NAAA: variants seen among roughly 807,000 people sequenced by gnomAD.
NAAA encodes N-acylethanolamine acid amidase, also known as N-acylethanolamine-hydrolyzing acid amidase.
NAAA carries 39 observed loss-of-function variants against 44.8 expected under a neutral mutation model. That is an observed-to-expected ratio of 0.87 (90% CI 0.67 to 1.14). NAAA has a LOEUF of 1.14. Among genes scored for constraint, NAAA ranks in the 50% most tolerant of loss-of-function variants. The pLI is 0.00. For missense variants in NAAA, 460 were observed against 467.8 expected, an observed-to-expected ratio of 0.98 and a Z score of 0.15; for synonymous variants, 178 against 191.3, an observed-to-expected ratio of 0.93 and a Z score of 0.58.
At chr4:75,918,314 G>T (rs536476344) in intron 9 of NAAA, among the ~76,000 whole-genome samples, 1 of 152,230 alleles carries the variant, frequency 6.6e-6, no homozygotes, top group Admixed American at 6.5e-5. Flanking sequence ...AATTAGCTGG[G>T]CGTGGTGGCA....
chr4:75,914,241 G>A lies in NAAA; in HGVS notation c.*134C>T. 1 of 985,790 alleles carries A rather than the reference G, an allele frequency of 1.0e-6. No individual in the cohort carries two copies. The highest frequency in any genetic ancestry group is 1.1e-4 in the East Asian group (1 of 8,812). The allele number at this position is 985,790 out of a possible 1,614,324, so 61.1% of individuals were successfully genotyped here. A position where few individuals can be genotyped will look rare whatever the true frequency, so the allele number is the denominator to read the frequency against. On this transcript the variant is annotated 3_prime_UTR_variant, in exon 11 of 11. Transcript: ENST00000286733. ...TCGCAAGGTTGTAAAGTTAAATGAGGAAGGAGCCTGCATTGTTTGTAACAT... is the reference window on the plus strand; with the variant it reads ...TCGCAAGGTTGTAAAGTTAAATGAGAAAGGAGCCTGCATTGTTTGTAACAT...
chr4:75,936,772 G>A (rs373989461), intron 2 of NAAA, among the ~76,000 whole-genome samples: 19 of 152,094 alleles, frequency 1.2e-4, no homozygotes, highest in African/African-American at 4.3e-4. Context: ...CCAGCTCCTT[G>A]CACAGAGATC....
chr4:75,929,241 C>T (rs1402812762), intron 4 of NAAA, among the ~76,000 whole-genome samples: 1 of 152,190 alleles, frequency 6.6e-6, no homozygotes, highest in Non-Finnish European at 1.5e-5. Context: ...TTAAGCCTCC[C>T]CATGCCCTGT....
chr4:75,937,607 T>C (rs1289928160), intron 2 of NAAA, among the ~76,000 whole-genome samples: 6 of 152,192 alleles, frequency 3.9e-5, no homozygotes, highest in Non-Finnish European at 8.8e-5. Flanking sequence ...CACTTCAGCC[T>C]CCTGAGTATC....
At chr4:75,933,987 G>A (rs915049053) in intron 3 of NAAA, among the ~76,000 whole-genome samples, 2 of 151,368 alleles carry the variant, frequency 1.3e-5, no homozygotes, top group Admixed American at 6.6e-5. Context: ...CCGAGATCGC[G>A]CCACTGCACT....
At chr4:75,919,873 C>T (rs1560501695) in intron 8 of NAAA, 36 bp downstream of exon 8, 3 of 1,569,126 alleles carry the variant, frequency 1.9e-6, no homozygotes, top group African/African-American at 1.4e-5. Context: ...AAACACCAAA[C>T]ATCCTAGGTA....
At position 75,914,872 on chromosome 4, in the gene NAAA, C is replaced by T. The variant is rs751274936; in HGVS notation, c.*32G>A. 1.9e-6 allele frequency: 3 copies of T among 1,612,142 alleles called. No homozygotes were observed. The South Asian group carries it at 3.3e-5, about 18-fold the overall frequency. On this transcript the variant is annotated 3_prime_UTR_variant, in exon 10 of 11. Transcript: ENST00000286733. The stretch of plus-strand genomic sequence containing the variant: ...CACAAAACAGTAACAACAAACCTTT[C>T]ACAGCACGGGCGAACTCGCTCTTCT...
intron 9 of NAAA, chr4:75,917,408 G>C (rs891892215): frequency 2.6e-5 from 4 of 152,332 alleles, no homozygotes; most frequent in African/African-American, 9.7e-5. Context: ...CACTGGGTAT[G>C]CTTTGTTATC....
At chr4:75,919,755 G>A in intron 8 of NAAA, 154 bp downstream of exon 8, 1 of 735,030 alleles carries the variant, frequency 1.4e-6, no homozygotes, top group Admixed American at 2.3e-5. Flanking sequence ...TGGGATTACA[G>A]GTGTGAGCCA....
intron 4 of NAAA, 109 bp downstream of exon 4, chr4:75,931,105 C>A: frequency 1.3e-6 from 1 of 799,922 alleles, no homozygotes; most frequent in East Asian, 2.6e-5. Flanking sequence ...ATGGAAGTCC[C>A]TGCCACATAG....
chr4:75,914,372 AG>A, intron 10 of NAAA, 34 bp from the exon 11 acceptor site: 1 of 929,828 alleles, frequency 1.1e-6, no homozygotes, highest in African/African-American at 1.8e-5. Context: ...TTTAATTCAA[AG>A]ACTGATTTTT....
chr4:75,925,696 A>AG (rs1335816807), intron 5 of NAAA, 39 bp downstream of exon 5: 3 of 1,574,594 alleles, frequency 1.9e-6, no homozygotes, highest in Non-Finnish European at 1.7e-6. Flanking sequence ...TAGAAGGTGG[A>AG]GGTGGAGTTA....
At chr4:75,917,566 A>T in intron 9 of NAAA, 1 of 178,674 alleles carries the variant, frequency 5.6e-6, no homozygotes, top group South Asian at 9.8e-5. Flanking sequence ...CCCAGGTTCA[A>T]GCAATTCTCC....
chr4:75,915,810 G>A (rs1290200339), intron 9 of NAAA, among the ~76,000 whole-genome samples: 2 of 152,144 alleles, frequency 1.3e-5, no homozygotes, highest in Non-Finnish European at 2.9e-5. Context: ...AAAGTATAGT[G>A]TCATTGATTA....
Position 75,940,116 on chromosome 4 carries a change from C to T in NAAA, c.256G>A (p.Glu86Lys). 1.4e-5 allele frequency: 23 copies of T among 1,614,126 alleles called. No individual in the cohort carries two copies. Among genetic ancestry groups the T allele is most frequent in the Non-Finnish European group, 1.9e-5 (22 of 1,180,040 alleles). ...VHVLIGKVVL[E>K]LERFLPQPFT... ...GGCTGGGGCAGGAAGCGCTCCAGCTCCAGGACCACTTTTCCGATTAACACG... is the reference window on the plus strand; with the variant it reads ...GGCTGGGGCAGGAAGCGCTCCAGCTTCAGGACCACTTTTCCGATTAACACG... The change falls in exon 2 of 11, where the codon GAG becomes AAG. Residue 86 changes from glutamate (E) to lysine (K), a missense_variant. Physicochemically the swap from Glu to Lys is moderately conservative, Grantham distance 56. Coordinates refer to ENST00000286733, the MANE Select transcript of NAAA (RefSeq NM_014435.4).
At chr4:75,919,728 T>A in intron 8 of NAAA, 181 bp downstream of exon 8, 1 of 636,118 alleles carries the variant, frequency 1.6e-6, no homozygotes, top group Non-Finnish European at 2.8e-6. Flanking sequence ...TCTGCCTGCC[T>A]AGGCCTCCCA....
At chr4:75,928,690 A>T (rs538897248) in intron 4 of NAAA, among the ~76,000 whole-genome samples, 1 of 152,188 alleles carries the variant, frequency 6.6e-6, no homozygotes, top group Non-Finnish European at 1.5e-5. Context: ...AACAACAACA[A>T]AAACACTTCT....
At chr4:75,936,653 C>T (rs1416700925) in intron 2 of NAAA, among the ~76,000 whole-genome samples, 1 of 152,200 alleles carries the variant, frequency 6.6e-6, no homozygotes, top group African/African-American at 2.4e-5. Context: ...TATATGAATT[C>T]CTCAGAGCAA....
chr4:75,940,692 C>T (rs2149297009), intron 1 of NAAA, 52 bp downstream of exon 1: 1 of 1,551,306 alleles, frequency 6.4e-7, no homozygotes, highest in Non-Finnish European at 8.7e-7. Context: ...GCGTTTGACT[C>T]CGACCCGCAG....
Sources: gnomAD v4.1 joint callset for allele counts (sites outside exome capture counted in the v4.1 genomes callset) on GRCh38, gnomAD v4.1.1 for gene constraint, MANE v1.5 for transcripts, NCBI Gene and HGNC (gene_info 2026-07-23, HGNC 2026-07-21) for gene names.